Variants in NEK7 observed in about 807,000 individuals in gnomAD.
The protein encoded by NEK7 is NIMA related kinase 7.
A neutral mutation model predicts 44.6 loss-of-function variants in NEK7; 18 were observed. That is an observed-to-expected ratio of 0.40 (90% CI 0.28 to 0.60). The LOEUF (loss-of-function observed/expected upper bound fraction) is 0.60, where lower values mean the gene tolerates loss of function less well. Ranked by LOEUF, NEK7 falls within the 20% of genes least tolerant of loss-of-function variation. NEK7 has a pLI of 0.38. For missense variants in NEK7, 256 were observed against 366.5 expected (o/e 0.70, Z 2.46); for synonymous variants, 130 against 121.1 (o/e 1.07, Z -0.48).
intron 9 of NEK7, among the ~76,000 whole-genome samples, chr1:198,309,067 AC>A (rs1260089975): frequency 9.2e-5 from 14 of 152,186 alleles, no homozygotes; most frequent in Non-Finnish European, 1.8e-4. Flanking sequence ...TGTTATAAGG[AC>A]TTTAATACAA....
At chr1:198,275,732 C>T (rs574794096) in intron 5 of NEK7, among the ~76,000 whole-genome samples, 61 of 151,094 alleles carry the variant, frequency 4.0e-4, no homozygotes, top group African/African-American at 1.2e-3. Flanking sequence ...AAAAAGAATT[C>T]GAATTTTCAT....
chr1:198,210,207 G>A (rs567284092), intron 1 of NEK7, among the ~76,000 whole-genome samples: 83 of 152,218 alleles, frequency 5.5e-4, no homozygotes, highest in African/African-American at 1.9e-3. Context: ...TGATCCTCCT[G>A]CCTCACCTCC....
intron 9 of NEK7, among the ~76,000 whole-genome samples, chr1:198,315,232 G>C (rs1655326147): frequency 6.6e-6 from 1 of 152,154 alleles, no homozygotes; most frequent in African/African-American, 2.4e-5. Context: ...CTTTGACTAG[G>C]TAAGGGAACT....
intron 1 of NEK7, among the ~76,000 whole-genome samples, chr1:198,200,642 C>T (rs1305212807): frequency 6.6e-6 from 1 of 151,942 alleles, no homozygotes; most frequent in Non-Finnish European, 1.5e-5. Context: ...CCTCTGCCAC[C>T]TGGCTTCAAG....
At chr1:198,175,845 T>C (rs1312441446) in intron 1 of NEK7, among the ~76,000 whole-genome samples, 1 of 152,192 alleles carries the variant, frequency 6.6e-6, no homozygotes, top group African/African-American at 2.4e-5. Flanking sequence ...AATAATACTA[T>C]CTTGCATTTG....
intron 1 of NEK7, among the ~76,000 whole-genome samples, chr1:198,205,213 A>G (rs1051761171): frequency 6.6e-6 from 1 of 152,214 alleles, no homozygotes; most frequent in African/African-American, 2.4e-5. Flanking sequence ...GGGGCCAAAA[A>G]CAGCGGCAGT....
At chr1:198,250,489 A>G (rs1652906451) in intron 2 of NEK7, among the ~76,000 whole-genome samples, 1 of 150,688 alleles carries the variant, frequency 6.6e-6, no homozygotes, top group South Asian at 2.1e-4. Flanking sequence ...CATTTTCACG[A>G]TATTGATTCT....
intron 9 of NEK7, among the ~76,000 whole-genome samples, chr1:198,311,000 T>C (rs574686258): frequency 3.2e-4 from 48 of 149,420 alleles, no homozygotes; most frequent in African/African-American, 1.1e-3. Context: ...TTGATGGGAA[T>C]GGCATTGAAT....
At chr1:198,241,861 A>AATG (rs1310148067) in intron 2 of NEK7, among the ~76,000 whole-genome samples, 1 of 152,140 alleles carries the variant, frequency 6.6e-6, no homozygotes, top group South Asian at 2.1e-4. Context: ...TGTTAGCAAA[A>AATG]ATGATGATGA....
At chr1:198,219,361 ATAC>A (rs1370040752) in intron 1 of NEK7, among the ~76,000 whole-genome samples, 19 of 151,194 alleles carry the variant, frequency 1.3e-4, no homozygotes, top group Non-Finnish European at 2.5e-4. Flanking sequence ...TGTGTGTAGA[ATAC>A]TACTAAGCTG....
At chr1:198,224,955 C>T (rs1296425888) in intron 1 of NEK7, among the ~76,000 whole-genome samples, 1 of 152,064 alleles carries the variant, frequency 6.6e-6, no homozygotes, top group Admixed American at 6.6e-5. Flanking sequence ...ACCAAGTGGA[C>T]AGTTGGATGT....
At chr1:198,268,754 T>C (rs1315525031) in intron 5 of NEK7, among the ~76,000 whole-genome samples, 1 of 152,162 alleles carries the variant, frequency 6.6e-6, no homozygotes, top group African/African-American at 2.4e-5. Flanking sequence ...GAGTCCGTTT[T>C]GTGTATTCAC....
intron 2 of NEK7, among the ~76,000 whole-genome samples, chr1:198,243,563 C>T (rs1438308577): frequency 6.6e-6 from 1 of 152,096 alleles, no homozygotes; most frequent in Non-Finnish European, 1.5e-5. Context: ...TTTTTGGTTA[C>T]ATCATTTGGA....
chr1:198,294,446 A>G (rs1250743255), intron 8 of NEK7, among the ~76,000 whole-genome samples: 1 of 152,098 alleles, frequency 6.6e-6, no homozygotes, highest in African/African-American at 2.4e-5. Flanking sequence ...AGATTCCTTT[A>G]GGCCATAGTC....
chr1:198,183,301 A>G (rs17645757), intron 1 of NEK7, among the ~76,000 whole-genome samples: 15,110 of 152,194 alleles, frequency 0.099, 1,045 homozygotes, highest in South Asian at 0.25. Flanking sequence ...TGAGCTCTTT[A>G]ATGGAACCAT....
At chr1:198,280,726 A>AAT (rs1183122223) in intron 7 of NEK7, among the ~76,000 whole-genome samples, 2 of 148,610 alleles carry the variant, frequency 1.3e-5, no homozygotes, top group Non-Finnish European at 3.0e-5. Flanking sequence ...ATATATATGT[A>AAT]ATATATATAC....
chr1:198,256,460 T>A, intron 3 of NEK7: 1 of 1,603,720 alleles, frequency 6.2e-7, no homozygotes, highest in Non-Finnish European at 8.5e-7. Flanking sequence ...TTTACCTGTA[T>A]CCCATCATGG....
chr1:198,250,136 A>G (rs1403208994), intron 2 of NEK7, among the ~76,000 whole-genome samples: 1 of 150,152 alleles, frequency 6.7e-6, no homozygotes, highest in Non-Finnish European at 1.5e-5. Flanking sequence ...TTAAATAGGG[A>G]ATGCTTTCCC....
chr1:198,269,790 G>C (rs1478220564), intron 5 of NEK7, among the ~76,000 whole-genome samples: 1 of 152,010 alleles, frequency 6.6e-6, no homozygotes, highest in African/African-American at 2.4e-5. Context: ...GAAATATTCA[G>C]TATTTCTCTA....
Sources: allele counts gnomAD v4.1 joint callset (sites outside exome capture counted in the v4.1 genomes callset), GRCh38; gene constraint gnomAD v4.1.1; transcripts MANE v1.5; gene names NCBI Gene and HGNC (gene_info 2026-07-23, HGNC 2026-07-21).